The following PCNT variants were observed in gnomAD, a reference collection of about 807,000 sequenced individuals.
The protein encoded by PCNT is pericentrin.
Under a neutral mutation model 380.4 loss-of-function variants are expected in PCNT, and 319 were observed. The observed-to-expected ratio is 0.84, with a 90% CI of 0.77 to 0.92. PCNT has a LOEUF of 0.92. PCNT is among the 40% of genes least tolerant of loss of function. PCNT has a pLI of 0.00. For missense variants in PCNT, 4,400 were observed against 4,255.3 expected (o/e 1.03, Z -0.95); for synonymous variants, 1,845 against 1,735.2 (o/e 1.06, Z -1.57).
chr21:46,393,326 G>T (rs1262979067), intron 21 of PCNT, among the ~76,000 whole-genome samples: 2 of 152,204 alleles, frequency 1.3e-5, no homozygotes, highest in African/African-American at 2.4e-5. Flanking sequence ...TTTTCAGGGT[G>T]TTTTCAGGAA....
In PCNT at chr21:46,445,509, C is replaced by A; in HGVS notation, c.*182C>A. On this transcript the variant is annotated 3_prime_UTR_variant, in exon 47 of 47. Coordinates refer to ENST00000359568, the MANE Select transcript of PCNT (RefSeq NM_006031.6). ...TGCATGACTGCAAAGCCAGCTGGAGCATTTTCTATGGAGCCTCCGTATGTT... is the reference window on the plus strand; with the variant it reads ...TGCATGACTGCAAAGCCAGCTGGAGAATTTTCTATGGAGCCTCCGTATGTT... 1.5e-6 allele frequency: 1 copy of A among 647,556 alleles called. No individual in the cohort carries two copies. Among genetic ancestry groups the A allele is most frequent in the Non-Finnish European group, 2.8e-6 (1 of 358,562 alleles). 40.1% of individuals were successfully genotyped at this position (647,556 alleles called of 1,614,324 possible).
In PCNT at chr21:46,337,348, A is replaced by G. The variant is rs555529119; in HGVS notation, c.639+2580A>G. On this transcript the variant is annotated intron_variant, in intron 3 of 46. Transcript: ENST00000359568. ...TTTCAGAATTAGCAACCCACATCAT[A>G]TAAGAAACAAATTTACCAAGTGGAT... Among the ~76,000 whole-genome samples, 10 of 152,310 alleles carry G rather than the reference A, an allele frequency of 6.6e-5. 1 individual carries two copies. The highest frequency in any genetic ancestry group is 2.2e-4 in the African/African-American group (9 of 41,566).
At position 46,385,882 on chromosome 21, in the gene PCNT, C is replaced by T. The variant is rs141878320; in HGVS notation, c.3363C>T (p.Ser1121=). ...SLSHEIEECR[S]ELEVLQQRRE... ...GTCACGAGATAGAAGAGTGCCGCTC[C>T]GAGTTGGAGGTGCTGCAGCAGAGGC... The change falls in exon 17 of 47, where the codon TCC becomes TCT. Residue 1121 remains serine (S), a synonymous_variant. Transcript: ENST00000359568. The T allele has an allele frequency of 2.4e-4, 382 of 1,614,080 alleles. No individual in the cohort carries two copies. The highest frequency in any genetic ancestry group is 3.1e-4 in the Non-Finnish European group (366 of 1,180,028).
intron 15 of PCNT, among the ~76,000 whole-genome samples, chr21:46,370,146 G>C (rs1187273020): frequency 6.6e-6 from 1 of 151,858 alleles, no homozygotes; most frequent in Non-Finnish European, 1.5e-5. Flanking sequence ...AGTGGGGTCT[G>C]TGCTCAAAGA....
chr21:46,439,494 G>A (rs1053383822), intron 41 of PCNT, among the ~76,000 whole-genome samples: 5 of 152,160 alleles, frequency 3.3e-5, no homozygotes, highest in Admixed American at 6.5e-5. Flanking sequence ...ACCTGTGCAC[G>A]TCCTCCCGTA....
At position 46,351,481 on chromosome 21, in the gene PCNT, A is replaced by G; in HGVS notation, c.1397A>G (p.Glu466Gly). ...GACCTGAAGGCACAATCACAAGAAGAGATCAGGCGCTTGTGGTCCCAGCTT... is the reference window on the plus strand; with the variant it reads ...GACCTGAAGGCACAATCACAAGAAGGGATCAGGCGCTTGTGGTCCCAGCTT... ...YEDLKAQSQE[E>G]IRRLWSQLDS... The change falls in exon 9 of 47, where the codon GAG (glutamate) becomes GGG (glycine). Residue 466 changes from glutamate (E) to glycine (G), a missense_variant. Glu to Gly is a moderately conservative substitution (Grantham distance 98, BLOSUM62 -2). Coordinates refer to ENST00000359568, the MANE Select transcript of PCNT (RefSeq NM_006031.6). 2 of 1,613,558 alleles carry G rather than the reference A, an allele frequency of 1.2e-6. No homozygotes were observed. Among genetic ancestry groups the G allele is most frequent in the Non-Finnish European group, 1.7e-6 (2 of 1,179,488 alleles).
intron 13 of PCNT, among the ~76,000 whole-genome samples, chr21:46,361,303 A>T (rs1041839823): frequency 6.6e-6 from 1 of 152,244 alleles, no homozygotes; most frequent in East Asian, 1.9e-4. Flanking sequence ...AGGCAGGAGA[A>T]TCGCTTGAAA....
At chr21:46,385,733 A>G (rs1250961401) in intron 16 of PCNT, 99 bp from the exon 17 acceptor site, 1 of 1,335,784 alleles carries the variant, frequency 7.5e-7, no homozygotes, top group Non-Finnish European at 1.1e-6. Flanking sequence ...GTCCTAAGTC[A>G]GAGACTCTCA....
chr21:46,353,365 T>G, intron 10 of PCNT, 39 bp downstream of exon 10: 1 of 1,536,356 alleles, frequency 6.5e-7, no homozygotes, highest in Middle Eastern at 1.7e-4. Context: ...GTTTCTGCCA[T>G]ACAGGGGCCA....
rs1394027797 is a variant in PCNT, at chr21:46,431,735, G to C, written c.8271G>C (p.Leu2757=). 6.2e-7 allele frequency: 1 copy of C among 1,612,430 alleles called. No individual in the cohort carries two copies. The highest frequency in any genetic ancestry group is 2.2e-5 in the East Asian group (1 of 44,860). The change falls in exon 38 of 47, where the codon CTG becomes CTC. Residue 2757 remains leucine, a synonymous_variant. Transcript: ENST00000359568. The part of the protein sequence containing the change: ...LAAEKSRTLE[L]SEALRHERLL... ...CTGAGAAGAGCCGCACCCTGGAGCT[G>C]TCAGAGGCCTTGCGGCACGAGCGGC...
rs1276488483 is a variant in PCNT, at chr21:46,382,899, C to T, written c.3312+1059C>T. 1.2e-4 allele frequency among the ~76,000 whole-genome samples: 16 copies of T among 130,364 alleles called. 1 individual carries two copies. The highest frequency in any genetic ancestry group is 2.3e-4 in the Non-Finnish European group (15 of 65,484). 85.5% of individuals were successfully genotyped at this position (130,364 alleles called of 152,430 possible). A position where few individuals can be genotyped will look rare whatever the true frequency, so the allele number is the denominator to read the frequency against. On this transcript the variant is annotated intron_variant, in intron 16 of 46. Transcript: ENST00000359568. ...GCATTCAGTGGCGGAAGCGCATTCACGGTGTTGTGCATTCAGTGGCGGAAG... is the reference window on the plus strand; with the variant it reads ...GCATTCAGTGGCGGAAGCGCATTCATGGTGTTGTGCATTCAGTGGCGGAAG...
Position 46,402,630 on chromosome 21 carries a change from C to T in PCNT, c.5115+147C>T, listed in dbSNP as rs8129460. ...TGTGGCAGACAGTGCAGAGAGCGCC[C>T]GATTCTGCCTGGGGACATGTGCATG... On this transcript the variant is annotated intron_variant, in intron 27 of 46. Coordinates refer to ENST00000359568, the MANE Select transcript of PCNT (RefSeq NM_006031.6). 163,804 of 788,930 alleles carry T rather than the reference C, an allele frequency of 0.21. 19,330 individuals are homozygous for T. Among genetic ancestry groups the T allele is most frequent in the East Asian group, 0.44 (16,282 of 37,078 alleles). The allele number at this position is 788,930 out of a possible 1,614,324, so 48.9% of individuals were successfully genotyped here. A position where few individuals can be genotyped will look rare whatever the true frequency, so the allele number is the denominator to read the frequency against.
Position 46,326,436 on chromosome 21 carries a change from G to C in PCNT, c.114G>C (p.Thr38=). The change falls in exon 2 of 47, where the codon ACG becomes ACC. Residue 38 remains threonine, a synonymous_variant. Transcript: ENST00000359568. Reference sequence around the variant, plus strand: ...ACAGTTCGCATTCGGAGAAAAAGACGGCGAAGAGGAAGGGCTCGGCTGTCG... The same window carrying C: ...ACAGTTCGCATTCGGAGAAAAAGACCGCGAAGAGGAAGGGCTCGGCTGTCG... ...KGDSSHSEKK[T]AKRKGSAVDA... The C allele has an allele frequency of 6.2e-7, 1 of 1,614,202 alleles. No homozygotes were observed. The highest frequency in any genetic ancestry group is 8.5e-7 in the Non-Finnish European group (1 of 1,180,040).
intron 27 of PCNT, among the ~76,000 whole-genome samples, chr21:46,403,383 T>G (rs1305881032): frequency 8.9e-6 from 1 of 111,978 alleles, no homozygotes; most frequent in South Asian, 2.9e-4. Flanking sequence ...CGTGGGAGAA[T>G]TGTGTGTGTG....
intron 3 of PCNT, among the ~76,000 whole-genome samples, chr21:46,335,708 AT>A (rs2083712978): frequency 7.0e-6 from 1 of 142,964 alleles, no homozygotes; most frequent in South Asian, 2.2e-4. Context: ...TTTTTTTTAA[AT>A]AGAGACGGAG....
intron 17 of PCNT, 114 bp downstream of exon 17, chr21:46,386,097 C>G: frequency 8.0e-7 from 1 of 1,255,500 alleles, no homozygotes; most frequent in Non-Finnish European, 1.1e-6. Flanking sequence ...ACCATGCACG[C>G]TGGCTCCTGG....
intron 7 of PCNT, among the ~76,000 whole-genome samples, 197 bp from the exon 8 acceptor site, chr21:46,349,487 T>G (rs1018946183): frequency 4.6e-5 from 7 of 152,220 alleles, no homozygotes; most frequent in Non-Finnish European, 8.8e-5. Context: ...TGTTCCAGCT[T>G]GACCCTCATG....
intron 15 of PCNT, 146 bp from the exon 16 acceptor site, chr21:46,381,548 A>T (rs956273322): frequency 4.1e-6 from 3 of 734,308 alleles, no homozygotes; most frequent in African/African-American, 1.8e-5. Flanking sequence ...GTTTTCTTTG[A>T]TGGGGGCTGT....
At chr21:46,383,321 C>A (rs1331763302) in intron 16 of PCNT, among the ~76,000 whole-genome samples, 2 of 136,772 alleles carry the variant, frequency 1.5e-5, no homozygotes, top group African/African-American at 5.6e-5. Context: ...GTTGTGCGTT[C>A]AGTGGCAGAA....
Sources: allele counts gnomAD v4.1 joint callset (sites outside exome capture counted in the v4.1 genomes callset), GRCh38; gene constraint gnomAD v4.1.1; transcripts MANE v1.5; gene names NCBI Gene and HGNC (gene_info 2026-07-23, HGNC 2026-07-21).